The following PGAP6 variants were observed in gnomAD, a reference collection of about 807,000 sequenced individuals.
PGAP6 encodes the protein post-GPI attachment to proteins 6.
In PGAP6, 62 loss-of-function variants were observed where a neutral mutation model predicts 68.4. The ratio of observed to expected loss-of-function variants is 0.91; its 90% confidence interval spans 0.74 to 1.12. The LOEUF (loss-of-function observed/expected upper bound fraction) is 1.12, where lower values mean the gene tolerates loss of function less well. PGAP6 is among the 50% of genes most tolerant of loss of function. The pLI is 0.00. For synonymous variants in PGAP6, 575 were observed against 474.0 expected (o/e 1.21, Z -2.77); for missense variants, 1,188 against 1,068.5 (o/e 1.11, Z -1.56).
Position 376,553 on chromosome 16 carries a change from C to T in PGAP6, c.895G>A (p.Ala299Thr). The change falls in exon 5 of 13, where the codon GCC becomes ACC. Residue 299 changes from alanine to threonine, a missense_variant. Ala to Thr is a moderately conservative substitution (Grantham distance 58). Coordinates refer to ENST00000431232, the MANE Select transcript of PGAP6 (RefSeq NM_021259.3). ...LGTVAFSAVA[A>T]LTACRPRSVT... ...CCCTTGTGCGGCCCACCTGTGAGGG[C>T]AGCTACAGCACTGAAAGCCACTGTC... is the stretch of plus-strand genomic sequence containing the variant. The T allele has an allele frequency of 6.5e-7, 1 of 1,547,328 alleles. No homozygotes were observed. The highest frequency in any genetic ancestry group is 8.7e-7 in the Non-Finnish European group (1 of 1,145,776).
chr16:372,043 G>A lies in PGAP6; in HGVS notation c.2260C>T (p.Pro754Ser). Residue 754 changes from proline (P) to serine (S), a missense_variant, in exon 13 of 13, where the codon CCC (proline) becomes TCC (serine). Pro to Ser is a moderately conservative substitution (Grantham distance 74). Transcript: ENST00000431232. Reference protein sequence around the residue: ...AEPWACSQKFPCHYQICKNDR... With the variant: ...AEPWACSQKFSCHYQICKNDR... Reference sequence around the variant, plus strand: ...TTCTTGCAGATCTGATAGTGGCAGGGGAATTTCTGCGAGCAGGCCCAGGGC... The same window carrying A: ...TTCTTGCAGATCTGATAGTGGCAGGAGAATTTCTGCGAGCAGGCCCAGGGC... The A allele has an allele frequency of 6.2e-7, 1 of 1,612,666 alleles. No homozygotes were observed.
chr16:386,804 A>T, upstream of PGAP6: 1 of 641,720 alleles, frequency 1.6e-6, no homozygotes, highest in Non-Finnish European at 2.9e-6. Flanking sequence ...CCTCTCCTGA[A>T]GCCGAAGCCA....
chr16:372,784 G>A (rs2054346758), intron 11 of PGAP6, 57 bp from the exon 12 acceptor site: 5 of 1,310,830 alleles, frequency 3.8e-6, no homozygotes, highest in Admixed American at 3.7e-5. Context: ...AGGCCCAGCA[G>A]GAGCACGCGT....
At chr16:373,254 C>T (rs533079959) in intron 11 of PGAP6, among the ~76,000 whole-genome samples, 11 of 152,348 alleles carry the variant, frequency 7.2e-5, no homozygotes, top group Admixed American at 5.2e-4. Flanking sequence ...CATGGGCACC[C>T]CCTTGGGGCA....
At position 371,895 on chromosome 16, in the gene PGAP6, T is replaced by C; in HGVS notation, c.*92A>G. The C allele has an allele frequency of 7.1e-7, 1 of 1,407,084 alleles. No individual in the cohort carries two copies. Among genetic ancestry groups the C allele is most frequent in the South Asian group, 1.3e-5 (1 of 74,190 alleles). 87.2% of individuals were successfully genotyped at this position (1,407,084 alleles called of 1,614,324 possible). A position where few individuals can be genotyped will look rare whatever the true frequency, so the allele number is the denominator to read the frequency against. ...CTAGGCCAATTTATTCAGCTGGAAA[T>C]CAATCTGTCCAGGGCTGGACCAGGC... On this transcript the variant is annotated 3_prime_UTR_variant, in exon 13 of 13. Transcript: ENST00000431232.
upstream of PGAP6, among the ~76,000 whole-genome samples, chr16:383,900 A>G (rs2054465132): frequency 1.3e-5 from 2 of 152,234 alleles, no homozygotes; most frequent in Admixed American, 1.3e-4. Flanking sequence ...CCTGAAGGCC[A>G]GAGCAGCGGA....
At position 379,886 on chromosome 16, in the gene PGAP6, G is replaced by A. The variant is rs147808503; in HGVS notation, c.121+1815C>T. Among the ~76,000 whole-genome samples the A allele has an allele frequency of 8.5e-5, 13 of 152,308 alleles. No individual in the cohort carries two copies. The East Asian group carries it at 2.5e-3, about 29-fold the overall frequency. On this transcript the variant is annotated intron_variant, in intron 1 of 12. Coordinates refer to ENST00000431232, the MANE Select transcript of PGAP6 (RefSeq NM_021259.3). ...CCGAGGTGACCACAGGGTGAGGAGGGCCAGCTACACAGCCCCCTGCCTGCC... is the reference window on the plus strand; with the variant it reads ...CCGAGGTGACCACAGGGTGAGGAGGACCAGCTACACAGCCCCCTGCCTGCC...
chr16:378,622 C>A (rs2054413514), intron 1 of PGAP6, among the ~76,000 whole-genome samples: 1 of 152,352 alleles, frequency 6.6e-6, no homozygotes, highest in Non-Finnish European at 1.5e-5. Flanking sequence ...CGCCCCTCAT[C>A]ACAGATGCCC....
At position 376,255 on chromosome 16, in the gene PGAP6, G is replaced by A. The variant is rs1320404580; in HGVS notation, c.1105C>T (p.Gln369Ter). ...EDMDVVSVHFQPLDRVSVRVC... is the reference protein window; with the variant it reads ...EDMDVVSVHF ...CTCACCGAGACCCTGTCCAGGGGCT[G>A]GAAGTGCACCGACACCACGTCCATG... is the stretch of plus-strand genomic sequence containing the variant. The change falls in exon 6 of 13, where the codon CAG (glutamine) becomes TAG (stop). Residue 369 changes from glutamine to a stop codon, truncating the protein, a stop_gained. Transcript: ENST00000431232. LOFTEE classifies it high-confidence loss of function. 6.2e-7 allele frequency: 1 copy of A among 1,612,714 alleles called. No homozygotes were observed. The highest frequency in any genetic ancestry group is 2.2e-5 in the East Asian group (1 of 44,894).
upstream of PGAP6, among the ~76,000 whole-genome samples, chr16:383,093 G>A (rs1022685682): frequency 5.9e-5 from 9 of 152,114 alleles, no homozygotes; most frequent in African/African-American, 2.2e-4. Context: ...TCCAGCCTGG[G>A]CGACAGAGCG....
chr16:375,880 C>T (rs1348207671), intron 6 of PGAP6, among the ~76,000 whole-genome samples: 3 of 152,170 alleles, frequency 2.0e-5, no homozygotes, highest in Non-Finnish European at 4.4e-5. Context: ...TGCACCGGGA[C>T]CTTCCTCCCC....
intron 1 of PGAP6, among the ~76,000 whole-genome samples, chr16:380,028 C>A (rs2054424198): frequency 6.6e-6 from 1 of 152,218 alleles, no homozygotes. Context: ...CCGGGACAGG[C>A]ACCCATGGGA....
chr16:386,839 A>G (rs774639781), upstream of PGAP6: 1 of 692,078 alleles, frequency 1.4e-6, no homozygotes, highest in South Asian at 1.3e-5. Flanking sequence ...AAGGCCAAGA[A>G]GGCAGCGTTG....
At position 375,360 on chromosome 16, in the gene PGAP6, G is replaced by A. The variant is rs781624082; in HGVS notation, c.1300C>T (p.Leu434Phe). The A allele has an allele frequency of 1.5e-5, 24 of 1,612,828 alleles. No individual in the cohort carries two copies. The Admixed American group carries it at 1.5e-4, about 10-fold the overall frequency. The change falls in exon 7 of 13, where the codon CTC becomes TTC. Residue 434 changes from leucine (L) to phenylalanine (F), a missense_variant. By Grantham distance (22) the Leu-to-Phe change is conservative. Transcript: ENST00000431232. ...ASPFLGFNTS[L>F]NCTTAFFQGY... ...CCCATCATACCTGTGGTGCAGTTGA[G>A]CGAAGTATTGAAGCCAAGGAAGGGC...
chr16:377,813 G>A lies in PGAP6; in HGVS notation c.157C>T (p.Pro53Ser), dbSNP rs1308408283. Reference protein sequence around the residue: ...GLVSEHFSQAPQRLSFYSWYG... With the variant: ...GLVSEHFSQASQRLSFYSWYG... Reference sequence around the variant, plus strand: ...CAGCTGTAGAAGGACAGCCTCTGCGGGGCCTGCGAGAAGTGCTCGGACACC... The same window carrying A: ...CAGCTGTAGAAGGACAGCCTCTGCGAGGCCTGCGAGAAGTGCTCGGACACC... The change falls in exon 2 of 13, where the codon CCG becomes TCG. Residue 53 changes from proline to serine, a missense_variant. Transcript: ENST00000431232. 1 of 1,572,354 alleles carries A rather than the reference G, an allele frequency of 6.4e-7. No individual in the cohort carries two copies. Among genetic ancestry groups the A allele is most frequent in the East Asian group, 2.3e-5 (1 of 42,576 alleles).
chr16:381,971 C>T lies in PGAP6; in HGVS notation c.-150G>A, dbSNP rs2054444070. ...CGGCCGGTCCCCGCCGCCGTCGCCC[C>T]GGGCACTTCCGCCCGCAGGCCCCGC... On this transcript the variant is annotated 5_prime_UTR_variant, in exon 1 of 13. Transcript: ENST00000431232. 19 of 969,020 alleles carry T rather than the reference C, an allele frequency of 2.0e-5. No homozygotes were observed. Among genetic ancestry groups the T allele is most frequent in the African/African-American group, 3.6e-5 (2 of 56,098 alleles). The allele number at this position is 969,020 out of a possible 1,614,324, so 60.0% of individuals were successfully genotyped here. A position where few individuals can be genotyped will look rare whatever the true frequency, so the allele number is the denominator to read the frequency against.
At chr16:373,808 C>A (rs117618257) in intron 11 of PGAP6, among the ~76,000 whole-genome samples, 197 bp downstream of exon 11, 82,958 of 150,748 alleles carry the variant, frequency 0.55, 23,023 homozygotes, top group South Asian at 0.67. Flanking sequence ...CATGCTCGGC[C>A]AAGGCATTAC....
chr16:380,719 A>T (rs2054429573), intron 1 of PGAP6, among the ~76,000 whole-genome samples: 1 of 146,842 alleles, frequency 6.8e-6, no homozygotes, highest in Non-Finnish European at 1.5e-5. Context: ...TTTCATCTCT[A>T]CCTGTGCCAA....
chr16:381,287 C>T (rs1302252803), intron 1 of PGAP6, among the ~76,000 whole-genome samples: 1 of 152,250 alleles, frequency 6.6e-6, no homozygotes, highest in African/African-American at 2.4e-5. Context: ...GGTCTAACAA[C>T]TTTCTCCCGG....
Sources: gnomAD v4.1 joint callset for allele counts (sites outside exome capture counted in the v4.1 genomes callset) on GRCh38, gnomAD v4.1.1 for gene constraint, MANE v1.5 for transcripts, NCBI Gene and HGNC (gene_info 2026-07-23, HGNC 2026-07-21) for gene names.